MAL: variants seen among roughly 807,000 people sequenced by gnomAD.
MAL encodes mal, T cell differentiation protein (MAL blood group), also known as myelin and lymphocyte protein.
MAL carries 5 observed loss-of-function variants against 16.7 expected under a neutral mutation model. The observed-to-expected ratio is 0.30, with a 90% CI of 0.16 to 0.63. MAL has a LOEUF of 0.63. MAL is among the 30% of genes least tolerant of loss of function. The pLI, the probability that MAL is intolerant of heterozygous loss-of-function variation, is 0.82. For missense variants in MAL, 202 were observed against 195.8 expected (o/e 1.03, Z -0.19); for synonymous variants, 96 against 85.5 (o/e 1.12, Z -0.67).
At chr2:95,043,851 T>G (rs1323830103) in intron 1 of MAL, among the ~76,000 whole-genome samples, 1 of 152,234 alleles carries the variant, frequency 6.6e-6, no homozygotes, top group Non-Finnish European at 1.5e-5. Flanking sequence ...ACCGCCCCAC[T>G]GCCCATCCCC....
chr2:95,046,855 G>A (rs1674596640), intron 1 of MAL, among the ~76,000 whole-genome samples: 1 of 150,500 alleles, frequency 6.6e-6, no homozygotes, highest in Non-Finnish European at 1.5e-5. Context: ...GAGAAAGGGA[G>A]AGAGAGAGAG....
At chr2:95,047,239 C>T (rs530859597) in intron 1 of MAL, among the ~76,000 whole-genome samples, 1 of 152,126 alleles carries the variant, frequency 6.6e-6, no homozygotes, top group Non-Finnish European at 1.5e-5. Flanking sequence ...GGCATAAATC[C>T]TTTCTCAGAA....
At chr2:95,039,985 CT>C (rs1410130302) in intron 1 of MAL, among the ~76,000 whole-genome samples, 1 of 152,144 alleles carries the variant, frequency 6.6e-6, no homozygotes, top group East Asian at 1.9e-4. Flanking sequence ...GGGTCTTCCC[CT>C]GACCTCCTGC....
intron 1 of MAL, among the ~76,000 whole-genome samples, chr2:95,030,375 T>G (rs1238201265): frequency 2.6e-5 from 4 of 152,216 alleles, no homozygotes; most frequent in Admixed American, 1.3e-4. Context: ...AGGGCTTTGC[T>G]TCTCGTCTGC....
chr2:95,025,952 A>G lies in MAL; in HGVS notation c.93+67A>G. 1 of 1,369,622 alleles carries G rather than the reference A, an allele frequency of 7.3e-7. No homozygotes were observed. Among genetic ancestry groups the G allele is most frequent in the Non-Finnish European group, 1.0e-6 (1 of 1,001,596 alleles). 84.8% of individuals were successfully genotyped at this position (1,369,622 alleles called of 1,614,324 possible). A position where few individuals can be genotyped will look rare whatever the true frequency, so the allele number is the denominator to read the frequency against. ...CCGTGCGCTCTCTCGGGCGCCCAGCACAGCTGTCGGACGGGATCCGCTAGC... is the reference window on the plus strand; with the variant it reads ...CCGTGCGCTCTCTCGGGCGCCCAGCGCAGCTGTCGGACGGGATCCGCTAGC... On this transcript the variant is annotated intron_variant, in intron 1 of 3. Coordinates refer to ENST00000309988, the MANE Select transcript of MAL (RefSeq NM_002371.4). This position sits in a 1 kb window ranked among gnomAD's most constrained non-coding sequence, Gnocchi z 5.6.
chr2:95,040,117 C>G (rs528334160), intron 1 of MAL, among the ~76,000 whole-genome samples: 1 of 151,866 alleles, frequency 6.6e-6, no homozygotes, highest in East Asian at 1.9e-4. Flanking sequence ...CCAGCTCTAC[C>G]TACCTACACA....
At chr2:95,041,300 G>A (rs1674458814) in intron 1 of MAL, among the ~76,000 whole-genome samples, 1 of 152,172 alleles carries the variant, frequency 6.6e-6, no homozygotes, top group Non-Finnish European at 1.5e-5. Flanking sequence ...AGTGCCCTTT[G>A]TGCTTCCTTG....
At chr2:95,033,572 G>C (rs916559818) in intron 1 of MAL, among the ~76,000 whole-genome samples, 84 of 152,178 alleles carry the variant, frequency 5.5e-4, no homozygotes, top group Non-Finnish European at 1.0e-3. Context: ...GAGGTCAGGA[G>C]TTTGAGATCA....
chr2:95,030,995 C>T (rs1182621415), intron 1 of MAL, among the ~76,000 whole-genome samples: 2 of 152,144 alleles, frequency 1.3e-5, no homozygotes, highest in Non-Finnish European at 1.5e-5. Flanking sequence ...CATGGGCCAG[C>T]GAGGCAGTTT....
At chr2:95,049,450 C>G in intron 2 of MAL, 131 bp from the exon 3 acceptor site, 1 of 1,200,022 alleles carries the variant, frequency 8.3e-7, no homozygotes, top group Non-Finnish European at 1.2e-6. Context: ...ACCTCCGTGA[C>G]AAGGTTGGGA....
chr2:95,052,969 G>C (rs1047504708), intron 3 of MAL: 3 of 169,698 alleles, frequency 1.8e-5, no homozygotes, highest in Admixed American at 6.3e-5. Flanking sequence ...TCTCTCAACC[G>C]AGCTACCAGG....
At chr2:95,036,137 G>T (rs935802856) in intron 1 of MAL, among the ~76,000 whole-genome samples, 11 of 152,234 alleles carry the variant, frequency 7.2e-5, no homozygotes, top group African/African-American at 2.7e-4. Context: ...GCCTGCTAAT[G>T]AAGAGGCCAG....
intron 1 of MAL, among the ~76,000 whole-genome samples, chr2:95,046,347 C>T (rs968956119): frequency 5.3e-5 from 8 of 152,024 alleles, no homozygotes; most frequent in Admixed American, 1.3e-4. Context: ...TGGAGTGCTT[C>T]GAGCCCAGTC....
intron 3 of MAL, 38 bp downstream of exon 3, chr2:95,049,744 G>A (rs367966598): frequency 6.2e-6 from 10 of 1,611,372 alleles, no homozygotes; most frequent in African/African-American, 5.3e-5. Flanking sequence ...CACAGCGGGC[G>A]GCTCCGTGGC....
chr2:95,025,868 CTCT>C lies in MAL; in HGVS notation c.79_81del (p.Phe27del), dbSNP rs758493164. 16 of 1,572,862 alleles carry C rather than the reference CTCT, an allele frequency of 1.0e-5. No individual in the cohort carries two copies. Among genetic ancestry groups the C allele is most frequent in the African/African-American group, 1.4e-5 (1 of 73,240 alleles). On this transcript the variant is annotated inframe_deletion, in exon 1 of 4. Transcript: ENST00000309988. This position sits in a 1 kb window ranked among gnomAD's most constrained non-coding sequence, Gnocchi z 5.6. ...GGTCTTCACCACCTTGCCCGACTTG[CTCT>C]TCATCTTTGAGTTTGTGAGTGGCTC... is the stretch of plus-strand genomic sequence containing the variant.
intron 1 of MAL, among the ~76,000 whole-genome samples, chr2:95,034,964 C>T (rs529950474): frequency 1.3e-5 from 2 of 152,328 alleles, no homozygotes; most frequent in South Asian, 2.1e-4. Flanking sequence ...AACTCTGAAA[C>T]ATTTGTTCTC....
chr2:95,030,302 A>C (rs1431483892), intron 1 of MAL, among the ~76,000 whole-genome samples: 1 of 152,218 alleles, frequency 6.6e-6, no homozygotes, highest in Non-Finnish European at 1.5e-5. Flanking sequence ...TGTGGTCATC[A>C]GTGCAGCCCC....
chr2:95,035,361 T>A (rs1674179384), intron 1 of MAL, among the ~76,000 whole-genome samples: 1 of 152,234 alleles, frequency 6.6e-6, no homozygotes, highest in South Asian at 2.1e-4. Context: ...TCCTGCTGGG[T>A]AAGGCCAGCA....
chr2:95,027,498 A>T (rs1453988015), intron 1 of MAL, among the ~76,000 whole-genome samples: 2 of 152,046 alleles, frequency 1.3e-5, no homozygotes, highest in African/African-American at 4.8e-5. Context: ...GAGACCCGCA[A>T]TGCATAGTCA....
Sources: allele counts gnomAD v4.1 joint callset (sites outside exome capture counted in the v4.1 genomes callset), GRCh38; gene constraint gnomAD v4.1.1; non-coding constraint Gnocchi (gnomAD v3.1); transcripts MANE v1.5; gene names NCBI Gene and HGNC (gene_info 2026-07-23, HGNC 2026-07-21).